PLPPR1: variants seen among roughly 807,000 people sequenced by gnomAD.
The protein encoded by PLPPR1 is phospholipid phosphatase-related protein type 1.
PLPPR1 carries 10 observed loss-of-function variants against 33.1 expected under a neutral mutation model. That is an observed-to-expected ratio of 0.30 (90% CI 0.19 to 0.51). PLPPR1 has a LOEUF of 0.51. Ranked by LOEUF, PLPPR1 falls within the 20% of genes least tolerant of loss-of-function variation. The pLI is 0.97. For synonymous variants in PLPPR1, 151 were observed against 151.0 expected (o/e 1.00, Z 0.00); for missense variants, 304 against 408.1 (o/e 0.74, Z 2.20).
intron 1 of PLPPR1, among the ~76,000 whole-genome samples, chr9:101,115,011 G>A (rs1038038489): frequency 6.6e-6 from 1 of 152,158 alleles, no homozygotes; most frequent in African/African-American, 2.4e-5. Flanking sequence ...AGCATAGTGT[G>A]AGCCCTGCAG....
intron 1 of PLPPR1, among the ~76,000 whole-genome samples, chr9:101,183,987 T>A (rs1826162291): frequency 6.6e-6 from 1 of 151,752 alleles, no homozygotes; most frequent in East Asian, 1.9e-4. Context: ...GGAAAGTTCA[T>A]TTATATCATA....
intron 2 of PLPPR1, among the ~76,000 whole-genome samples, chr9:101,200,110 A>G (rs186280841): frequency 7.9e-5 from 12 of 152,248 alleles, no homozygotes; most frequent in African/African-American, 2.9e-4. Flanking sequence ...TAGGGCAACA[A>G]ATAGACTATA....
At chr9:101,093,877 A>G (rs542587278) in intron 1 of PLPPR1, among the ~76,000 whole-genome samples, 13 of 152,316 alleles carry the variant, frequency 8.5e-5, no homozygotes, top group South Asian at 6.2e-4. Context: ...GCTCCAATGC[A>G]ACATTTGATT....
At chr9:101,297,556 C>G (rs1247334636) in intron 4 of PLPPR1, among the ~76,000 whole-genome samples, 2 of 152,136 alleles carry the variant, frequency 1.3e-5, no homozygotes, top group Admixed American at 1.3e-4. Flanking sequence ...ATTTTTCCCC[C>G]CAACCTTCTC....
chr9:101,127,306 A>T (rs1381897274), intron 1 of PLPPR1, among the ~76,000 whole-genome samples: 1 of 152,204 alleles, frequency 6.6e-6, no homozygotes, highest in Non-Finnish European at 1.5e-5. Flanking sequence ...ACACCAGGTC[A>T]TGGGGGCAAC....
chr9:101,187,062 G>C (rs1286787051), intron 2 of PLPPR1, among the ~76,000 whole-genome samples: 1 of 151,824 alleles, frequency 6.6e-6, no homozygotes, highest in Non-Finnish European at 1.5e-5. Flanking sequence ...TATTAATATT[G>C]TGGTGAAGGG....
intron 1 of PLPPR1, among the ~76,000 whole-genome samples, chr9:101,071,878 T>C (rs2118490406): frequency 6.6e-6 from 1 of 152,250 alleles, no homozygotes; most frequent in South Asian, 2.1e-4. Flanking sequence ...TAAACACAAA[T>C]GGAAATCGTA....
In PLPPR1 at chr9:101,088,611, G is replaced by C. The variant is rs113645960; in HGVS notation, c.-46+59509G>C. Among the ~76,000 whole-genome samples the C allele has an allele frequency of 1.2e-3, 178 of 152,138 alleles. 1 individual carries two copies. The highest frequency in any genetic ancestry group is 4.1e-3 in the African/African-American group (170 of 41,520). ...GGTTCTGTAATATTGAGCAACTGTTGATTTTCATGATAGCTATATCAGAAC... is the reference window on the plus strand; with the variant it reads ...GGTTCTGTAATATTGAGCAACTGTTCATTTTCATGATAGCTATATCAGAAC... On this transcript the variant is annotated intron_variant, in intron 1 of 7. Coordinates refer to ENST00000374874, the MANE Select transcript of PLPPR1 (RefSeq NM_207299.2).
intron 1 of PLPPR1, among the ~76,000 whole-genome samples, chr9:101,095,639 C>T (rs10760789): frequency 0.43 from 64,559 of 151,872 alleles, 13,983 homozygotes; most frequent in Non-Finnish European, 0.47. Flanking sequence ...CCCCTTTATA[C>T]GATGAAGAAA....
chr9:101,124,473 T>A (rs1260763845), intron 1 of PLPPR1, among the ~76,000 whole-genome samples: 1 of 152,208 alleles, frequency 6.6e-6, no homozygotes, highest in Admixed American at 6.5e-5. Context: ...TGTTCCCATG[T>A]CATGGGGATT....
intron 2 of PLPPR1, among the ~76,000 whole-genome samples, chr9:101,237,773 A>G (rs1344412436): frequency 2.2e-5 from 3 of 137,648 alleles, no homozygotes; most frequent in Non-Finnish European, 3.1e-5. Flanking sequence ...TATATATTCC[A>G]TTGTGTATTC....
intron 1 of PLPPR1, among the ~76,000 whole-genome samples, chr9:101,172,534 T>A (rs1825958439): frequency 6.6e-6 from 1 of 152,140 alleles, no homozygotes; most frequent in Admixed American, 6.6e-5. Flanking sequence ...TTCTTGGCCC[T>A]GTGTAAACCC....
At chr9:101,138,624 T>C (rs983743655) in intron 1 of PLPPR1, among the ~76,000 whole-genome samples, 13 of 152,224 alleles carry the variant, frequency 8.5e-5, no homozygotes, top group Non-Finnish European at 1.9e-4. Flanking sequence ...ACCCCAGCCC[T>C]GGCTCTCACT....
At chr9:101,102,012 T>C (rs921469270) in intron 1 of PLPPR1, among the ~76,000 whole-genome samples, 3 of 151,902 alleles carry the variant, frequency 2.0e-5, no homozygotes, top group African/African-American at 7.2e-5. Context: ...TTTTCACTTA[T>C]CATGTTTCTA....
At chr9:101,304,013 T>C (rs1333671740) in intron 4 of PLPPR1, among the ~76,000 whole-genome samples, 5 of 152,220 alleles carry the variant, frequency 3.3e-5, no homozygotes, top group Admixed American at 2.6e-4. Context: ...GTGTATGACA[T>C]AGATCTCCAT....
At chr9:101,270,189 A>G (rs1828069443) in intron 3 of PLPPR1, 121 bp downstream of exon 3, 3 of 997,646 alleles carry the variant, frequency 3.0e-6, no homozygotes, top group Non-Finnish European at 4.5e-6. Context: ...GTGGCATCCT[A>G]TTTCAGCCAA....
At chr9:101,163,584 C>A (rs1825801443) in intron 1 of PLPPR1, among the ~76,000 whole-genome samples, 1 of 152,124 alleles carries the variant, frequency 6.6e-6, no homozygotes, top group Non-Finnish European at 1.5e-5. Flanking sequence ...GAGAGGAAAT[C>A]TTGCTCTTCT....
Position 101,034,775 on chromosome 9 carries a change from AC to A in PLPPR1, c.-46+5674del, listed in dbSNP as rs1373903380. ...ATAAAGCTTTGACTTTATGCTCAGG[AC>A]TCAAGAGATGGTGTGCTTTTGCATT... is the stretch of plus-strand genomic sequence containing the variant. On this transcript the variant is annotated intron_variant, in intron 1 of 7. Coordinates refer to ENST00000374874, the MANE Select transcript of PLPPR1 (RefSeq NM_207299.2). Among the ~76,000 whole-genome samples the A allele has an allele frequency of 8.7e-5, 13 of 150,194 alleles. No homozygotes were observed. The South Asian group carries it at 2.1e-3, about 25-fold the overall frequency.
intron 1 of PLPPR1, among the ~76,000 whole-genome samples, chr9:101,150,168 T>C (rs1455457737): frequency 6.6e-6 from 1 of 152,156 alleles, no homozygotes; most frequent in East Asian, 1.9e-4. Context: ...AATCACCTAT[T>C]TGAAATTCTG....
Sources: gnomAD v4.1 joint callset for allele counts (sites outside exome capture counted in the v4.1 genomes callset) on GRCh38, gnomAD v4.1.1 for gene constraint, MANE v1.5 for transcripts, NCBI Gene and HGNC (gene_info 2026-07-23, HGNC 2026-07-21) for gene names.